DPP10: variants seen among roughly 807,000 people sequenced by gnomAD.
The protein encoded by DPP10 is inactive dipeptidyl peptidase 10.
Under a neutral mutation model 120.9 loss-of-function variants are expected in DPP10, and 33 were observed. The observed-to-expected ratio is 0.27, with a 90% CI of 0.21 to 0.37. The LOEUF is 0.37. DPP10 is among the 10% of genes least tolerant of loss of function. DPP10 has a pLI of 1.00. For synonymous variants in DPP10, 337 were observed against 326.1 expected, an observed-to-expected ratio of 1.03 and a Z score of -0.36; for missense variants, 816 against 942.8, an observed-to-expected ratio of 0.87 and a Z score of 1.76.
chr2:114,848,543 C>T (rs145469156), intron 1 of DPP10, among the ~76,000 whole-genome samples: 112 of 152,190 alleles, frequency 7.4e-4, no homozygotes, highest in African/African-American at 2.6e-3. Context: ...GGACAATAAA[C>T]AATAAAACTG....
At chr2:115,807,358 G>A (rs764987764) in intron 19 of DPP10, among the ~76,000 whole-genome samples, 40 of 152,228 alleles carry the variant, frequency 2.6e-4, no homozygotes, top group Non-Finnish European at 5.3e-4. Context: ...GGTTAATTTT[G>A]TGTGGATAAT....
intron 4 of DPP10, among the ~76,000 whole-genome samples, chr2:115,501,074 G>C (rs557958770): frequency 6.6e-6 from 1 of 152,072 alleles, no homozygotes; most frequent in South Asian, 2.1e-4. Flanking sequence ...AACAAAAATT[G>C]AGTGCATTTT....
chr2:114,477,959 G>GTACATATATGTGTA (rs1558795236), intron 1 of DPP10, among the ~76,000 whole-genome samples: 1 of 56,192 alleles, frequency 1.8e-5, no homozygotes, highest in Non-Finnish European at 5.4e-5. Context: ...ATATATGTGT[G>GTACATATATGTGTA]TATATGTATA....
intron 7 of DPP10, among the ~76,000 whole-genome samples, chr2:115,713,723 C>T (rs775320156): frequency 3.6e-4 from 55 of 152,246 alleles, no homozygotes; most frequent in Non-Finnish European, 5.9e-4. Context: ...GGGTGTACTT[C>T]CTCAATTCTC....
At chr2:115,658,356 T>A (rs1427174554) in intron 5 of DPP10, among the ~76,000 whole-genome samples, 1 of 152,028 alleles carries the variant, frequency 6.6e-6, no homozygotes, top group Non-Finnish European at 1.5e-5. Context: ...TCCACCCCAA[T>A]CTCCCTTATT....
chr2:115,523,833 A>G (rs1385578780), intron 4 of DPP10, among the ~76,000 whole-genome samples: 14 of 152,128 alleles, frequency 9.2e-5, no homozygotes, highest in Admixed American at 8.5e-4. Flanking sequence ...TGCAGACCAC[A>G]TGGTAGATGA....
At chr2:115,607,067 A>G (rs911357489) in intron 5 of DPP10, among the ~76,000 whole-genome samples, 1 of 152,072 alleles carries the variant, frequency 6.6e-6, no homozygotes, top group African/African-American at 2.4e-5. Context: ...AAAACCAAAT[A>G]CTCACAGACA....
At chr2:114,607,459 G>A (rs1036505437) in intron 1 of DPP10, among the ~76,000 whole-genome samples, 5 of 152,172 alleles carry the variant, frequency 3.3e-5, no homozygotes, top group African/African-American at 1.2e-4. Context: ...TTCATTCATG[G>A]ACCTTAAATC....
chr2:115,678,872 A>T (rs193069630), intron 5 of DPP10, among the ~76,000 whole-genome samples: 127 of 152,308 alleles, frequency 8.3e-4, no homozygotes, highest in Non-Finnish European at 1.2e-3. Flanking sequence ...TGGGCCATGG[A>T]GTCAAAACAG....
At chr2:115,003,113 G>A (rs1321361291) in intron 1 of DPP10, among the ~76,000 whole-genome samples, 1 of 147,334 alleles carries the variant, frequency 6.8e-6, no homozygotes, top group Non-Finnish European at 1.5e-5. Flanking sequence ...GCTCAACCTA[G>A]ATTCCCATCA....
chr2:115,606,696 C>G (rs1299957131), intron 5 of DPP10, among the ~76,000 whole-genome samples: 1 of 152,144 alleles, frequency 6.6e-6, no homozygotes, highest in Non-Finnish European at 1.5e-5. Flanking sequence ...TCACAGAAGT[C>G]AAAGTTAAAA....
In DPP10 at chr2:115,692,196, T is replaced by C. The variant is rs1238823515; in HGVS notation, c.576+2275T>C. On this transcript the variant is annotated intron_variant, in intron 7 of 25. Coordinates refer to ENST00000410059, the MANE Select transcript of DPP10 (RefSeq NM_020868.6). Reference sequence around the variant, plus strand: ...AAAAAATTGATTCTATTATGGTTACTGGGTTAAGTTTTACAATTTTTTTTT... The same window carrying C: ...AAAAAATTGATTCTATTATGGTTACCGGGTTAAGTTTTACAATTTTTTTTT... Among the ~76,000 whole-genome samples, 3 of 95,466 alleles carry C rather than the reference T, an allele frequency of 3.1e-5. No individual in the cohort carries two copies. In the East Asian group the frequency reaches 9.7e-4, roughly 31 times the overall value. 62.6% of individuals were successfully genotyped at this position (95,466 alleles called of 152,430 possible). A position where few individuals can be genotyped will look rare whatever the true frequency, so the allele number is the denominator to read the frequency against.
intron 11 of DPP10, among the ~76,000 whole-genome samples, chr2:115,755,181 A>G (rs1679243989): frequency 6.6e-6 from 1 of 152,118 alleles, no homozygotes. Context: ...CTGCATATAA[A>G]TGCATTTATA....
chr2:115,005,868 G>A (rs1156559097), intron 1 of DPP10, among the ~76,000 whole-genome samples: 21 of 152,172 alleles, frequency 1.4e-4, no homozygotes, highest in East Asian at 3.9e-4. Context: ...TACAGAGAAC[G>A]CCACAAAGAT....
At chr2:114,989,929 C>T (rs1232687045) in intron 1 of DPP10, among the ~76,000 whole-genome samples, 2 of 152,100 alleles carry the variant, frequency 1.3e-5, no homozygotes, top group East Asian at 1.9e-4. Context: ...CTATTCATTC[C>T]TAGTACTAAA....
intron 1 of DPP10, among the ~76,000 whole-genome samples, chr2:115,019,267 A>G (rs1254840712): frequency 6.6e-6 from 1 of 152,224 alleles, no homozygotes; most frequent in East Asian, 1.9e-4. Flanking sequence ...TATCAAATAA[A>G]TAAATAAAAT....
intron 5 of DPP10, chr2:115,579,792 A>G (rs1421921479): frequency 6.6e-6 from 1 of 152,152 alleles, no homozygotes; most frequent in Non-Finnish European, 1.5e-5. Context: ...CACATAACGT[A>G]TACACATTTT....
chr2:115,083,498 A>T lies in DPP10; in HGVS notation c.61-225741A>T, dbSNP rs536798107. On this transcript the variant is annotated intron_variant, in intron 1 of 25. Coordinates refer to ENST00000410059, the MANE Select transcript of DPP10 (RefSeq NM_020868.6). ...ACCTACTAGAGAAACCTGGCATAACACATGCCTCCCTCCTCATTATATTTG... is the reference window on the plus strand; with the variant it reads ...ACCTACTAGAGAAACCTGGCATAACTCATGCCTCCCTCCTCATTATATTTG... Among the ~76,000 whole-genome samples, 6 of 152,282 alleles carry T rather than the reference A, an allele frequency of 3.9e-5. No individual in the cohort carries two copies. In the South Asian group the frequency reaches 1.0e-3, roughly 26 times the overall value.
chr2:114,622,561 C>A (rs1475724387), intron 1 of DPP10, among the ~76,000 whole-genome samples: 1 of 152,070 alleles, frequency 6.6e-6, no homozygotes, highest in African/African-American at 2.4e-5. Flanking sequence ...CCTCAGTTCT[C>A]AATGTGTGTT....
Sources: allele counts gnomAD v4.1 joint callset (sites outside exome capture counted in the v4.1 genomes callset), GRCh38; gene constraint gnomAD v4.1.1; transcripts MANE v1.5; gene names NCBI Gene and HGNC (gene_info 2026-07-23, HGNC 2026-07-21).